The following CNTN4 variants were observed in gnomAD, a reference collection of about 807,000 sequenced individuals.
CNTN4 encodes the protein contactin-4.
A neutral mutation model predicts 122.5 loss-of-function variants in CNTN4; 77 were observed. The observed-to-expected ratio is 0.63, with a 90% CI of 0.52 to 0.76. The LOEUF (loss-of-function observed/expected upper bound fraction) is 0.76, where lower values mean the gene tolerates loss of function less well. CNTN4 is among the 30% of genes least tolerant of loss of function. CNTN4 has a pLI of 0.00. For missense variants in CNTN4, 1,256 were observed against 1,259.1 expected (o/e 1.00, Z 0.04); for synonymous variants, 512 against 447.0 (o/e 1.15, Z -1.83).
Position 2,745,519 on chromosome 3 carries a change from T to C in CNTN4, c.183-3T>C. Reference sequence around the variant, plus strand: ...TTTATCTACTGGCATTTTTATACTATAGGTGGAAGTTAAATGGAACAGATG... The same window carrying C: ...TTTATCTACTGGCATTTTTATACTACAGGTGGAAGTTAAATGGAACAGATG... On this transcript the variant is annotated splice_region_variant and splice_polypyrimidine_tract_variant and intron_variant, in intron 5 of 24. Coordinates refer to ENST00000418658, the MANE Select transcript of CNTN4 (RefSeq NM_175607.3). 1 of 1,612,370 alleles carries C rather than the reference T, an allele frequency of 6.2e-7. No individual in the cohort carries two copies. The highest frequency in any genetic ancestry group is 1.1e-5 in the South Asian group (1 of 91,064).
At chr3:2,909,132 G>T (rs1163811458) in intron 12 of CNTN4, among the ~76,000 whole-genome samples, 1 of 152,144 alleles carries the variant, frequency 6.6e-6, no homozygotes, top group Non-Finnish European at 1.5e-5. Flanking sequence ...CGTTGAGCCA[G>T]GTTACAAAAT....
chr3:2,972,563 G>T (rs568102845), intron 13 of CNTN4, among the ~76,000 whole-genome samples: 1 of 152,200 alleles, frequency 6.6e-6, no homozygotes, highest in Admixed American at 6.5e-5. Context: ...AACAGTTGTA[G>T]CACATTTTGT....
chr3:2,485,723 G>C (rs551969494), intron 3 of CNTN4, among the ~76,000 whole-genome samples: 1 of 152,286 alleles, frequency 6.6e-6, no homozygotes, highest in South Asian at 2.1e-4. Context: ...TCAGCATCCT[G>C]TGTGTAGCTC....
intron 6 of CNTN4, among the ~76,000 whole-genome samples, chr3:2,776,041 C>T (rs1286914900): frequency 6.6e-6 from 1 of 152,138 alleles, no homozygotes; most frequent in Non-Finnish European, 1.5e-5. Flanking sequence ...CATGTGTCAA[C>T]CTTAATAACC....
At chr3:2,256,113 C>G (rs1378947533) in intron 2 of CNTN4, among the ~76,000 whole-genome samples, 3 of 152,102 alleles carry the variant, frequency 2.0e-5, no homozygotes, top group African/African-American at 4.8e-5. Flanking sequence ...GGGGATATCA[C>G]CACTGATCCC....
intron 2 of CNTN4, among the ~76,000 whole-genome samples, chr3:2,192,094 G>C (rs2037596691): frequency 6.6e-6 from 1 of 151,734 alleles, no homozygotes; most frequent in South Asian, 2.1e-4. Context: ...ATTCCATGGT[G>C]TATATGTCCC....
At chr3:2,861,540 A>G (rs1053175042) in intron 7 of CNTN4, among the ~76,000 whole-genome samples, 1 of 152,242 alleles carries the variant, frequency 6.6e-6, no homozygotes, top group Non-Finnish European at 1.5e-5. Flanking sequence ...AACAGGATAC[A>G]TATTGATAAA....
At chr3:2,976,484 G>T (rs753318903) in intron 13 of CNTN4, among the ~76,000 whole-genome samples, 1 of 152,192 alleles carries the variant, frequency 6.6e-6, no homozygotes, top group Admixed American at 6.5e-5. Flanking sequence ...TGTCACCAGG[G>T]TGTCTGTTCA....
At chr3:2,791,542 A>G (rs1268996446) in intron 6 of CNTN4, among the ~76,000 whole-genome samples, 1 of 151,928 alleles carries the variant, frequency 6.6e-6, no homozygotes, top group Non-Finnish European at 1.5e-5. Context: ...CAAAAAAAAA[A>G]AAAGATTTAG....
chr3:2,383,659 C>T (rs1476306587), intron 3 of CNTN4, among the ~76,000 whole-genome samples: 1 of 150,192 alleles, frequency 6.7e-6, no homozygotes, highest in African/African-American at 2.5e-5. Flanking sequence ...CTCTCTTCCC[C>T]CATTTCCCTT....
At chr3:2,933,223 C>G (rs1031490098) in intron 13 of CNTN4, among the ~76,000 whole-genome samples, 1 of 152,120 alleles carries the variant, frequency 6.6e-6, no homozygotes, top group Non-Finnish European at 1.5e-5. Flanking sequence ...GCATTCGTCG[C>G]AGGGTCAGCC....
chr3:2,735,847 A>G (rs1300251489), intron 4 of CNTN4: 1 of 420,104 alleles, frequency 2.4e-6, no homozygotes, highest in East Asian at 6.9e-5. Context: ...TTATGACACT[A>G]GACAGCCATC....
chr3:2,983,581 C>T (rs77924164), intron 13 of CNTN4, among the ~76,000 whole-genome samples: 4,066 of 152,242 alleles, frequency 0.027, 160 homozygotes, highest in African/African-American at 0.07. Flanking sequence ...TGTCAGGCAT[C>T]GTTCTAAGCA....
intron 3 of CNTN4, among the ~76,000 whole-genome samples, chr3:2,529,653 A>T (rs1235370244): frequency 7.9e-5 from 12 of 152,098 alleles, no homozygotes; most frequent in Non-Finnish European, 2.9e-5. Flanking sequence ...GTTTCAAGGG[A>T]TATGCCTTTT....
intron 4 of CNTN4, among the ~76,000 whole-genome samples, chr3:2,725,210 C>G (rs1387067618): frequency 6.6e-6 from 1 of 152,182 alleles, no homozygotes. Context: ...GTGCTTAAAA[C>G]AGCCTGATGT....
intron 6 of CNTN4, among the ~76,000 whole-genome samples, chr3:2,775,518 C>T (rs980645968): frequency 2.0e-5 from 3 of 152,164 alleles, no homozygotes; most frequent in African/African-American, 7.2e-5. Flanking sequence ...CTCCCAAGTT[C>T]AAGTGATTCT....
intron 2 of CNTN4, among the ~76,000 whole-genome samples, chr3:2,116,322 A>G (rs1488876891): frequency 1.3e-5 from 2 of 152,088 alleles, no homozygotes; most frequent in Non-Finnish European, 2.9e-5. Flanking sequence ...GCTCCAATCC[A>G]TCATTCCTGT....
chr3:2,511,730 C>T (rs1232748488), intron 3 of CNTN4: 1 of 152,186 alleles, frequency 6.6e-6, no homozygotes, highest in Non-Finnish European at 1.5e-5. Flanking sequence ...CTCTTTCTCC[C>T]TACAGCTCCA....
chr3:2,232,562 A>G (rs1490353244), intron 2 of CNTN4, among the ~76,000 whole-genome samples: 3 of 152,156 alleles, frequency 2.0e-5, no homozygotes, highest in South Asian at 2.1e-4. Flanking sequence ...TCTAAAAACT[A>G]TATAGCTAAA....
Sources: allele counts gnomAD v4.1 joint callset (sites outside exome capture counted in the v4.1 genomes callset), GRCh38; gene constraint gnomAD v4.1.1; transcripts MANE v1.5; gene names NCBI Gene and HGNC (gene_info 2026-07-23, HGNC 2026-07-21).